Variants in USP6NL observed in about 807,000 individuals in gnomAD.
USP6NL encodes the protein USP6 N-terminal like.
Under a neutral mutation model 61.9 loss-of-function variants are expected in USP6NL, and 26 were observed. That is an observed-to-expected ratio of 0.42 (90% confidence interval 0.31 to 0.58). USP6NL has a LOEUF of 0.58. USP6NL is among the 20% of genes least tolerant of loss of function. The probability of loss-of-function intolerance (pLI) is 0.16; values close to 1 mark genes in which losing one functional copy is unlikely to be tolerated. For missense variants in USP6NL, 1,114 were observed against 1,034.3 expected (o/e 1.08, Z -1.06); for synonymous variants, 432 against 390.1 (o/e 1.11, Z -1.27).
rs1237452092 is a variant in USP6NL, at chr10:11,602,002, A to C, written c.-83-4285T>G. The stretch of plus-strand genomic sequence containing the variant: ...CCCCCTAAAAAAGAAAGAAAAAAAA[A>C]GAAGAAAATGTCCTTCATTGATGTA... On this transcript the variant is annotated intron_variant, in intron 1 of 14. Transcript: ENST00000609104. The surrounding 1 kb of genome is among the most constrained non-coding windows in gnomAD (Gnocchi z 4.8). Among the ~76,000 whole-genome samples, 1 of 152,222 alleles carries C rather than the reference A, an allele frequency of 6.6e-6. No individual in the cohort carries two copies.
At chr10:11,464,018 T>A (rs1434074446) in intron 14 of USP6NL, among the ~76,000 whole-genome samples, 169 bp from the exon 15 acceptor site, 1 of 152,240 alleles carries the variant, frequency 6.6e-6, no homozygotes, top group Non-Finnish European at 1.5e-5. Context: ...ACACTGTTTA[T>A]ACCACAGAAA....
At chr10:11,566,253 T>C (rs551259713) in intron 2 of USP6NL, among the ~76,000 whole-genome samples, 14 of 152,082 alleles carry the variant, frequency 9.2e-5, no homozygotes, top group African/African-American at 2.9e-4. Flanking sequence ...AAGAGAAACA[T>C]GAAAAATGCA....
intron 1 of USP6NL, among the ~76,000 whole-genome samples, chr10:11,604,970 G>C (rs1838659379): frequency 6.6e-6 from 1 of 152,170 alleles, no homozygotes; most frequent in South Asian, 2.1e-4. Context: ...ACTACTGTAT[G>C]TTATGTGAGT....
chr10:11,484,136 G>A (rs79510146), intron 13 of USP6NL, among the ~76,000 whole-genome samples: 3,336 of 152,280 alleles, frequency 0.022, 65 homozygotes, highest in Non-Finnish European at 0.035. Context: ...AGAGAGTTGA[G>A]TGCACAATGA....
intron 2 of USP6NL, among the ~76,000 whole-genome samples, chr10:11,570,824 G>A (rs1231601885): frequency 6.6e-6 from 1 of 152,094 alleles, no homozygotes; most frequent in Non-Finnish European, 1.5e-5. Flanking sequence ...AGGCTAATGA[G>A]GACATTTGAA....
chr10:11,521,782 C>T (rs1835218801), intron 4 of USP6NL, among the ~76,000 whole-genome samples: 1 of 152,178 alleles, frequency 6.6e-6, no homozygotes, highest in Non-Finnish European at 1.5e-5. Flanking sequence ...TATAAATATA[C>T]ACATTTTGAT....
intron 3 of USP6NL, among the ~76,000 whole-genome samples, chr10:11,526,103 A>ATG (rs879369073): frequency 0.057 from 8,608 of 151,566 alleles, 365 homozygotes; most frequent in East Asian, 0.16. Flanking sequence ...TGCTCCATCA[A>ATG]CTCTTCTAAT....
At position 11,574,773 on chromosome 10, in the gene USP6NL, C is replaced by T. The variant is rs1332871398; in HGVS notation, c.4+22858G>A. Among the ~76,000 whole-genome samples the T allele has an allele frequency of 6.6e-6, 1 of 152,126 alleles. No individual in the cohort carries two copies. The highest frequency in any genetic ancestry group is 2.4e-5 in the African/African-American group (1 of 41,402). On this transcript the variant is annotated intron_variant, in intron 2 of 14. Transcript: ENST00000609104. The surrounding 1 kb of genome is among the most constrained non-coding windows in gnomAD (Gnocchi z 4.3). ...AGCAAATCAGAGGCAGTTCCTTTGC[C>T]TTCAGACAGTTAAAGGCTTGTTATT...
At chr10:11,567,745 A>G (rs1464355056) in intron 2 of USP6NL, among the ~76,000 whole-genome samples, 1 of 152,240 alleles carries the variant, frequency 6.6e-6, no homozygotes, top group Non-Finnish European at 1.5e-5. Context: ...AAATACCAAC[A>G]GCAGCTTACC....
rs1025900 is a variant in USP6NL at position 11,465,651 on chromosome 10, G to A, written c.1079-1802C>T. ...CCTGTACGTGCTCTCCCCACACCGT[G>A]CTGGCAGCGGAAGCACCCAAGCTGC... On this transcript the variant is annotated intron_variant, in intron 14 of 14. Coordinates refer to ENST00000609104, the MANE Select transcript of USP6NL (RefSeq NM_014688.5). This position sits in a 1 kb window ranked among gnomAD's most constrained non-coding sequence, Gnocchi z 4.5. Among the ~76,000 whole-genome samples, 61,453 of 152,050 alleles carry A rather than the reference G, an allele frequency of 0.4. 12,804 individuals are homozygous for A. Among genetic ancestry groups the A allele is most frequent in the Middle Eastern group, 0.51 (149 of 294 alleles).
Position 11,489,774 on chromosome 10 carries a change from A to C in USP6NL, c.544-552T>G, listed in dbSNP as rs1028433591. 6.6e-6 allele frequency among the ~76,000 whole-genome samples: 1 copy of C among 152,132 alleles called. No homozygotes were observed. The highest frequency in any genetic ancestry group is 1.5e-5 in the Non-Finnish European group (1 of 68,024). On this transcript the variant is annotated intron_variant, in intron 9 of 14. Coordinates refer to ENST00000609104, the MANE Select transcript of USP6NL (RefSeq NM_014688.5). This position sits in a 1 kb window ranked among gnomAD's most constrained non-coding sequence, Gnocchi z 5.7. Reference sequence around the variant, plus strand: ...CTAATGGACCAGAAGAGGACAGCTGACCCCAGGGGAACAGTTATTTGGTTG... The same window carrying C: ...CTAATGGACCAGAAGAGGACAGCTGCCCCCAGGGGAACAGTTATTTGGTTG...
Position 11,464,950 on chromosome 10 carries a change from T to C in USP6NL, c.1079-1101A>G, listed in dbSNP as rs530301906. Among the ~76,000 whole-genome samples, 77 of 152,342 alleles carry C rather than the reference T, an allele frequency of 5.1e-4. 1 individual carries two copies. The highest frequency in any genetic ancestry group is 1.7e-3 in the African/African-American group (70 of 41,582). On this transcript the variant is annotated intron_variant, in intron 14 of 14. Transcript: ENST00000609104. ...AAGTCAAGAATACTTCAAGTAGTTATTCAGCACATCAGGTTAAAAAGTAGC... is the reference window on the plus strand; with the variant it reads ...AAGTCAAGAATACTTCAAGTAGTTACTCAGCACATCAGGTTAAAAAGTAGC...
intron 5 of USP6NL, among the ~76,000 whole-genome samples, chr10:11,512,439 G>T (rs1196705282): frequency 6.6e-6 from 1 of 152,088 alleles, no homozygotes; most frequent in African/African-American, 2.4e-5. Flanking sequence ...GCTCCCTGCT[G>T]GGATCCTTGT....
At chr10:11,479,898 G>T (rs563202864) in intron 14 of USP6NL, among the ~76,000 whole-genome samples, 3 of 152,120 alleles carry the variant, frequency 2.0e-5, no homozygotes, top group African/African-American at 7.2e-5. Context: ...TAAAAGGACA[G>T]ATGTGACATG....
chr10:11,462,997 T>C lies in USP6NL; in HGVS notation c.1931A>G (p.Lys644Arg), dbSNP rs777285046. The C allele has an allele frequency of 1.2e-5, 20 of 1,613,318 alleles. No individual in the cohort carries two copies. Among genetic ancestry groups the C allele is most frequent in the Non-Finnish European group, 1.7e-5 (20 of 1,179,716 alleles). The change falls in exon 15 of 15, where the codon AAA (lysine) becomes AGA (arginine). Residue 644 changes from lysine (K) to arginine (R), a missense_variant. Physicochemically the swap from Lys to Arg is conservative, Grantham distance 26 (BLOSUM62 2). Transcript: ENST00000609104. ...NPPVYHGNSP[K>R]HFPTANSSFA... Reference sequence around the variant, plus strand: ...GCTGCTGTTGGCAGTAGGGAAGTGTTTGGGAGAGTTTCCGTGGTAAACGGG... The same window carrying C: ...GCTGCTGTTGGCAGTAGGGAAGTGTCTGGGAGAGTTTCCGTGGTAAACGGG...
In USP6NL at chr10:11,585,994, G is replaced by A. The variant is rs1291600435; in HGVS notation, c.4+11637C>T. On this transcript the variant is annotated intron_variant, in intron 2 of 14. Coordinates refer to ENST00000609104, the MANE Select transcript of USP6NL (RefSeq NM_014688.5). The surrounding 1 kb of genome is among the most constrained non-coding windows in gnomAD (Gnocchi z 4.5). ...CCAGTTTTTCAAAATGAAAAGAGGT[G>A]AAGAGATTAAGGTTGCACAACAATA... 1.3e-5 allele frequency among the ~76,000 whole-genome samples: 2 copies of A among 152,180 alleles called. No individual in the cohort carries two copies. Among genetic ancestry groups the A allele is most frequent in the African/African-American group, 4.8e-5 (2 of 41,444 alleles).
chr10:11,596,647 C>A lies in USP6NL; in HGVS notation c.4+984G>T, dbSNP rs1340592985. Among the ~76,000 whole-genome samples the A allele has an allele frequency of 6.6e-6, 1 of 151,210 alleles. No individual in the cohort carries two copies. Among genetic ancestry groups the A allele is most frequent in the East Asian group, 1.9e-4 (1 of 5,156 alleles). On this transcript the variant is annotated intron_variant, in intron 2 of 14. Transcript: ENST00000609104. The surrounding 1 kb of genome is among the most constrained non-coding windows in gnomAD (Gnocchi z 4.1). ...TCAAAAAAAAAAAAAAAAACTCTTT[C>A]TTAATCTGTACTGAACTCATCTAGC...
rs980081199 is a variant in USP6NL, at chr10:11,478,904, T to A, written c.1078+2866A>T. On this transcript the variant is annotated intron_variant, in intron 14 of 14. Transcript: ENST00000609104. The surrounding 1 kb of genome is among the most constrained non-coding windows in gnomAD (Gnocchi z 6.8). ...CTAGGCAACAGAGTGAGACCCTGTC[T>A]CATGTTTAAAAAGTGTAACTGGAAA... Among the ~76,000 whole-genome samples the A allele has an allele frequency of 3.7e-5, 5 of 136,870 alleles. No individual in the cohort carries two copies. Among genetic ancestry groups the A allele is most frequent in the African/African-American group, 1.2e-4 (5 of 40,034 alleles). The allele number at this position is 136,870 out of a possible 152,430, so 89.8% of individuals were successfully genotyped here.
chr10:11,478,110 A>G lies in USP6NL; in HGVS notation c.1078+3660T>C, dbSNP rs954890853. On this transcript the variant is annotated intron_variant, in intron 14 of 14. Transcript: ENST00000609104. This position sits in a 1 kb window ranked among gnomAD's most constrained non-coding sequence, Gnocchi z 6.8. ...ATACCAAGAGTTTTCCTAACCAGTT[A>G]GAAAGAAATGGAAGAAAATCTTCAA... 3.9e-5 allele frequency among the ~76,000 whole-genome samples: 6 copies of G among 152,250 alleles called. No individual in the cohort carries two copies. The highest frequency in any genetic ancestry group is 1.2e-4 in the African/African-American group (5 of 41,476).
Sources: allele counts gnomAD v4.1 joint callset (sites outside exome capture counted in the v4.1 genomes callset), GRCh38; gene constraint gnomAD v4.1.1; non-coding constraint Gnocchi (gnomAD v3.1); transcripts MANE v1.5; gene names NCBI Gene and HGNC (gene_info 2026-07-23, HGNC 2026-07-21).